UNC80: variants seen among roughly 807,000 people sequenced by gnomAD.
The protein encoded by UNC80 is unc-80 subunit of NALCN channel complex, also known as protein unc-80 homolog.
A neutral mutation model predicts 384.6 loss-of-function variants in UNC80; 164 were observed. The ratio of observed to expected loss-of-function variants is 0.43; its 90% confidence interval spans 0.38 to 0.49. The LOEUF (loss-of-function observed/expected upper bound fraction) is 0.49, where lower values mean the gene tolerates loss of function less well. Among genes scored for constraint, UNC80 ranks in the 20% least tolerant of loss-of-function variants. The pLI, the probability that UNC80 is intolerant of heterozygous loss-of-function variation, is 0.00. For synonymous variants in UNC80, 1,486 were observed against 1,527.8 expected, an observed-to-expected ratio of 0.97 and a Z score of 0.64; for missense variants, 3,330 against 4,143.0, an observed-to-expected ratio of 0.80 and a Z score of 5.39.
At chr2:209,970,389 T>C (rs748648657) in intron 53 of UNC80, 3 of 181,856 alleles carry the variant, frequency 1.6e-5, no homozygotes, top group Admixed American at 5.6e-5. Context: ...GTGGAAACCA[T>C]CTTAGAGCAT....
Position 209,820,436 on chromosome 2 carries a change from A to G in UNC80, c.2088A>G (p.Arg696=), listed in dbSNP as rs2080053432. 1 of 1,551,630 alleles carries G rather than the reference A, an allele frequency of 6.4e-7. No individual in the cohort carries two copies. Among genetic ancestry groups the G allele is most frequent in the Non-Finnish European group, 8.7e-7 (1 of 1,147,010 alleles). The change falls in exon 13 of 65, where the codon AGA becomes AGG. Residue 696 remains arginine (R), a synonymous_variant. Transcript: ENST00000673920. ...LGVVPCVEKN[R]KKSENKENET... ...TGGTGCCCTGTGTAGAAAAGAATAG[A>G]AAGAAGAGTGAAAACAAGGAAAATG... is the stretch of plus-strand genomic sequence containing the variant.
rs1486068313 is a variant in UNC80, at chr2:209,820,692, C to T, written c.2331+13C>T. ...GAACCAAGAGAAGGTATGACTGAAC[C>T]ACCTTATGTGTCCTCATGAAATGTC... On this transcript the variant is annotated intron_variant, in intron 13 of 64. Transcript: ENST00000673920. The T allele has an allele frequency of 6.6e-7, 1 of 1,523,226 alleles. No homozygotes were observed. The highest frequency in any genetic ancestry group is 2.1e-5 in the Admixed American group (1 of 47,142). The allele number at this position is 1,523,226 out of a possible 1,614,324, so 94.4% of individuals were successfully genotyped here. A position where few individuals can be genotyped will look rare whatever the true frequency, so the allele number is the denominator to read the frequency against.
chr2:209,772,230 T>TCGCCGCTGC (rs2076615471), intron 1 of UNC80, 66 bp downstream of exon 1: 1 of 994,652 alleles, frequency 1.0e-6, no homozygotes, highest in Non-Finnish European at 1.3e-6. Context: ...GCCGCCCGGG[T>TCGCCGCTGC]CGCCGCTGCC....
At chr2:209,877,629 T>C (rs888529450) in intron 23 of UNC80, among the ~76,000 whole-genome samples, 5 of 152,206 alleles carry the variant, frequency 3.3e-5, no homozygotes, top group Admixed American at 6.5e-5. Flanking sequence ...TTAAAAGCAA[T>C]TGTGTACTCC....
chr2:209,814,658 C>G (rs1159590806), intron 8 of UNC80, among the ~76,000 whole-genome samples: 1 of 152,104 alleles, frequency 6.6e-6, no homozygotes, highest in African/African-American at 2.4e-5. Context: ...ATGGTGATAT[C>G]TTCATGGCAA....
chr2:209,849,954 A>C (rs1036209841), intron 22 of UNC80, among the ~76,000 whole-genome samples: 4 of 152,042 alleles, frequency 2.6e-5, no homozygotes, highest in Admixed American at 2.0e-4. Context: ...GCGAAAACTA[A>C]ATGAGATATT....
chr2:209,916,823 T>A (rs892301337), intron 31 of UNC80, among the ~76,000 whole-genome samples: 3 of 152,210 alleles, frequency 2.0e-5, no homozygotes, highest in African/African-American at 7.2e-5. Context: ...CCTCTATTTT[T>A]AAAAAACAAT....
intron 61 of UNC80, among the ~76,000 whole-genome samples, chr2:209,985,300 A>G (rs1184697117): frequency 1.3e-5 from 2 of 152,254 alleles, no homozygotes; most frequent in Non-Finnish European, 2.9e-5. Flanking sequence ...TACATCATCA[A>G]GAAGCCCCTT....
rs1478910141 is a variant in UNC80 at position 209,809,326 on chromosome 2, G to A, written c.939-4254G>A. On this transcript the variant is annotated intron_variant, in intron 7 of 64. Transcript: ENST00000673920. ...CATCCGAAGCCACACGCTGCCCTTC[G>A]CCTGCGAAACCTGCGGGAAGGCCTT... 4 of 784,062 alleles carry A rather than the reference G, an allele frequency of 5.1e-6. No homozygotes were observed. In the Admixed American group the frequency reaches 7.1e-5, roughly 14 times the overall value. 48.6% of individuals were successfully genotyped at this position (784,062 alleles called of 1,614,324 possible). A position where few individuals can be genotyped will look rare whatever the true frequency, so the allele number is the denominator to read the frequency against.
intron 48 of UNC80, among the ~76,000 whole-genome samples, chr2:209,955,917 T>A (rs1041981129): frequency 6.6e-6 from 1 of 151,298 alleles, no homozygotes; most frequent in African/African-American, 2.4e-5. Flanking sequence ...ATAATTTTTG[T>A]ATTTTCAGTA....
intron 61 of UNC80, among the ~76,000 whole-genome samples, chr2:209,987,830 T>C (rs997853246): frequency 1.3e-5 from 2 of 151,976 alleles, no homozygotes; most frequent in Admixed American, 1.3e-4. Context: ...ATACACACTT[T>C]CAAAGCATAA....
intron 29 of UNC80, among the ~76,000 whole-genome samples, chr2:209,906,015 A>G (rs768825110): frequency 7.2e-5 from 11 of 152,174 alleles, no homozygotes; most frequent in Non-Finnish European, 1.6e-4. Flanking sequence ...ATTCATTTCA[A>G]CGGGCATTTA....
intron 4 of UNC80, among the ~76,000 whole-genome samples, chr2:209,779,106 C>T (rs185795450): frequency 2.2e-3 from 330 of 152,234 alleles, no homozygotes; most frequent in Non-Finnish European, 3.5e-3. Flanking sequence ...TCTAGCTTCC[C>T]ATTTTAAAGT....
intron 47 of UNC80, among the ~76,000 whole-genome samples, chr2:209,949,555 G>A (rs2092062681): frequency 1.3e-5 from 2 of 151,982 alleles, no homozygotes; most frequent in South Asian, 4.2e-4. Flanking sequence ...TTGGCTCACT[G>A]CAACCTCTGC....
Position 209,849,498 on chromosome 2 carries a change from A to G in UNC80, c.3502A>G (p.Lys1168Glu). ...TCTCTCTCCCAACCAAGATGGTGGA[A>G]AAAGCAAAAACGTGGTGAATCTTGG... is the stretch of plus-strand genomic sequence containing the variant. ...DHLSPNQDGGKSKNVVNLGAI... is the reference protein window; with the variant it reads ...DHLSPNQDGGESKNVVNLGAI... The change falls in exon 22 of 65, where the codon AAA (lysine) becomes GAA (glutamate). Residue 1168 changes from lysine to glutamate, a missense_variant. By Grantham distance (56) the Lys-to-Glu change is moderately conservative. Around this residue, in one of 8 missense-constraint regions of UNC80, gnomAD observed 801 missense variants for 950.8 expected, o/e 0.84. Coordinates refer to ENST00000673920, the MANE Select transcript of UNC80 (RefSeq NM_001371986.1). 6.4e-7 allele frequency: 1 copy of G among 1,551,092 alleles called. No individual in the cohort carries two copies. Among genetic ancestry groups the G allele is most frequent in the Non-Finnish European group, 8.7e-7 (1 of 1,146,522 alleles).
chr2:209,847,320 A>T (rs564518006), intron 21 of UNC80, among the ~76,000 whole-genome samples: 2 of 151,622 alleles, frequency 1.3e-5, no homozygotes, highest in African/African-American at 4.8e-5. Flanking sequence ...AAAATATTTC[A>T]TACAGTACTT....
At chr2:209,840,765 C>A in intron 20 of UNC80, 117 bp downstream of exon 20, 1 of 781,932 alleles carries the variant, frequency 1.3e-6, no homozygotes, top group Admixed American at 2.7e-5. Flanking sequence ...AGAAACTCTC[C>A]AGATGAGCTA....
chr2:209,939,984 G>A (rs1380423692), intron 43 of UNC80, among the ~76,000 whole-genome samples: 2 of 152,088 alleles, frequency 1.3e-5, no homozygotes, highest in Non-Finnish European at 2.9e-5. Flanking sequence ...GGGGCCCCAC[G>A]CTCCACCTCC....
At chr2:209,787,595 A>G (rs1476030881) in intron 5 of UNC80, among the ~76,000 whole-genome samples, 3 of 151,282 alleles carry the variant, frequency 2.0e-5, no homozygotes, top group African/African-American at 7.3e-5. Context: ...GAGCTGAAAA[A>G]CTCCTGTCAC....
Sources: gnomAD v4.1 joint callset for allele counts (sites outside exome capture counted in the v4.1 genomes callset) on GRCh38, gnomAD v4.1.1 for gene constraint, gnomAD v4.1.1 regional missense constraint, MANE v1.5 for transcripts, NCBI Gene and HGNC (gene_info 2026-07-23, HGNC 2026-07-21) for gene names.